PDE4B: variants seen among roughly 807,000 people sequenced by gnomAD.
PDE4B encodes phosphodiesterase 4B.
In PDE4B, 20 loss-of-function variants were observed where a neutral mutation model predicts 82.2. The ratio of observed to expected loss-of-function variants is 0.24; its 90% confidence interval spans 0.17 to 0.35. PDE4B has a LOEUF of 0.35. Ranked by LOEUF, PDE4B falls within the 10% of genes least tolerant of loss-of-function variation. The pLI is 1.00. For missense variants in PDE4B, 655 were observed against 907.2 expected (o/e 0.72, Z 3.57); for synonymous variants, 320 against 318.9 (o/e 1.00, Z -0.04).
At chr1:66,060,940 A>T (rs1271092814) in intron 3 of PDE4B, among the ~76,000 whole-genome samples, 1 of 151,942 alleles carries the variant, frequency 6.6e-6, no homozygotes, top group Non-Finnish European at 1.5e-5. Flanking sequence ...AAATAGGTGT[A>T]ATACATATAA....
chr1:66,204,460 G>A (rs1009002166), intron 3 of PDE4B, among the ~76,000 whole-genome samples: 1 of 152,252 alleles, frequency 6.6e-6, no homozygotes, highest in Non-Finnish European at 1.5e-5. Flanking sequence ...AGCCTACAGA[G>A]GCCGGCAGGC....
At chr1:66,163,843 G>GGTGT (rs139300483) in intron 3 of PDE4B, among the ~76,000 whole-genome samples, 37,805 of 151,990 alleles carry the variant, frequency 0.25, 5,119 homozygotes, top group Non-Finnish European at 0.31. Flanking sequence ...ACCTGGTACT[G>GGTGT]GTGTGTGACT....
chr1:65,931,085 A>G (rs1350872367), intron 3 of PDE4B, among the ~76,000 whole-genome samples: 2 of 152,096 alleles, frequency 1.3e-5, no homozygotes, highest in African/African-American at 2.4e-5. Flanking sequence ...TGAGTGAGTG[A>G]GTTATTGTGA....
At chr1:66,238,342 G>A (rs1236139452) in intron 3 of PDE4B, among the ~76,000 whole-genome samples, 1 of 152,192 alleles carries the variant, frequency 6.6e-6, no homozygotes, top group African/African-American at 2.4e-5. Context: ...TATTGGATGA[G>A]GATGGGGGGT....
intron 3 of PDE4B, among the ~76,000 whole-genome samples, chr1:66,045,497 T>C (rs904868058): frequency 6.6e-6 from 1 of 151,724 alleles, no homozygotes; most frequent in Admixed American, 6.6e-5. Flanking sequence ...TATCAGAAAT[T>C]TCTCCTGCAA....
intron 3 of PDE4B, among the ~76,000 whole-genome samples, chr1:66,199,029 G>A (rs1402727532): frequency 6.6e-6 from 1 of 151,780 alleles, no homozygotes; most frequent in Non-Finnish European, 1.5e-5. Flanking sequence ...ATTTGGGTTG[G>A]TTCCAAGTCT....
intron 3 of PDE4B, among the ~76,000 whole-genome samples, chr1:66,126,405 A>G (rs989055341): frequency 3.9e-5 from 6 of 152,210 alleles, no homozygotes; most frequent in Non-Finnish European, 5.9e-5. Context: ...TATTTACTCT[A>G]TGTACCCCCC....
At chr1:65,856,541 T>A (rs563376336) in intron 1 of PDE4B, among the ~76,000 whole-genome samples, 41 of 152,314 alleles carry the variant, frequency 2.7e-4, no homozygotes, top group African/African-American at 9.6e-4. Context: ...TAGTATTCCA[T>A]GGTGTATATG....
chr1:65,999,341 T>C (rs1651733452), intron 3 of PDE4B, among the ~76,000 whole-genome samples: 1 of 152,190 alleles, frequency 6.6e-6, no homozygotes, highest in South Asian at 2.1e-4. Flanking sequence ...CTTACCATGG[T>C]TTTCAGGCCC....
chr1:66,020,809 A>G (rs967823349), intron 3 of PDE4B, among the ~76,000 whole-genome samples: 1 of 152,220 alleles, frequency 6.6e-6, no homozygotes, highest in African/African-American at 2.4e-5. Context: ...AGCATGATTT[A>G]TAATCCTTTG....
intron 3 of PDE4B, among the ~76,000 whole-genome samples, chr1:66,199,468 G>T (rs1648673300): frequency 6.6e-6 from 1 of 151,888 alleles, no homozygotes; most frequent in Non-Finnish European, 1.5e-5. Context: ...TTGTTTGTTT[G>T]TTTTTTTCTT....
At chr1:66,343,560 C>G (rs983762384) in intron 8 of PDE4B, among the ~76,000 whole-genome samples, 2 of 152,208 alleles carry the variant, frequency 1.3e-5, no homozygotes, top group Non-Finnish European at 2.9e-5. Context: ...TTTATGTCTG[C>G]TCAGATTGCA....
chr1:66,203,347 A>T (rs1030353066), intron 3 of PDE4B, among the ~76,000 whole-genome samples: 6 of 151,854 alleles, frequency 4.0e-5, no homozygotes, highest in African/African-American at 1.5e-4. Flanking sequence ...CTTCTCGAGG[A>T]GTATCTTTGT....
Position 66,361,695 on chromosome 1 carries a change from A to T in PDE4B, c.922A>T (p.Ile308Leu), listed in dbSNP as rs1310220485. ...KKKKQQLMTQISGVKKLMHSS... is the reference protein window; with the variant it reads ...KKKKQQLMTQLSGVKKLMHSS... Reference sequence around the variant, plus strand: ...GAAAAAGCAGCAGCTCATGACCCAGATAAGTGGAGTGAAGAAATTAATGCA... The same window carrying T: ...GAAAAAGCAGCAGCTCATGACCCAGTTAAGTGGAGTGAAGAAATTAATGCA... The change falls in exon 10 of 17, where the codon ATA becomes TTA. Residue 308 changes from isoleucine (I) to leucine (L), a missense_variant. Around this residue, in one of 3 missense-constraint regions of PDE4B, gnomAD observed 283 missense variants for 516.4 expected, o/e 0.55. Coordinates refer to ENST00000341517, the MANE Select transcript of PDE4B (RefSeq NM_002600.4). The T allele has an allele frequency of 6.2e-7, 1 of 1,613,620 alleles. No individual in the cohort carries two copies.
chr1:66,347,583 A>T (rs943187077), intron 8 of PDE4B, among the ~76,000 whole-genome samples: 1 of 152,200 alleles, frequency 6.6e-6, no homozygotes, highest in Non-Finnish European at 1.5e-5. Flanking sequence ...GTTGATCTTG[A>T]AAATTGCCAG....
At chr1:66,337,910 G>A (rs1346775892) in intron 8 of PDE4B, among the ~76,000 whole-genome samples, 1 of 152,210 alleles carries the variant, frequency 6.6e-6, no homozygotes, top group African/African-American at 2.4e-5. Flanking sequence ...TAAGCCATGA[G>A]TTTGAGTTCT....
At chr1:65,887,300 T>C (rs1646797497) in intron 1 of PDE4B, among the ~76,000 whole-genome samples, 1 of 122,946 alleles carries the variant, frequency 8.1e-6, no homozygotes, top group African/African-American at 3.1e-5. Flanking sequence ...TCTCTCTCTC[T>C]TTCCCTCCCT....
At chr1:66,187,147 A>G (rs539755649) in intron 3 of PDE4B, among the ~76,000 whole-genome samples, 5 of 152,086 alleles carry the variant, frequency 3.3e-5, no homozygotes, top group African/African-American at 1.2e-4. Context: ...ATTGATTTGC[A>G]TATGTTGAAC....
At chr1:65,824,559 T>C (rs1290186456) in intron 1 of PDE4B, among the ~76,000 whole-genome samples, 2 of 151,476 alleles carry the variant, frequency 1.3e-5, no homozygotes, top group Non-Finnish European at 2.9e-5. Context: ...CTGAATTTCT[T>C]ATGTGACTTA....
Sources: gnomAD v4.1 joint callset for allele counts (sites outside exome capture counted in the v4.1 genomes callset) on GRCh38, gnomAD v4.1.1 for gene constraint, gnomAD v4.1.1 regional missense constraint, MANE v1.5 for transcripts, NCBI Gene and HGNC (gene_info 2026-07-23, HGNC 2026-07-21) for gene names.